CDH13: variants seen among roughly 807,000 people sequenced by gnomAD.
CDH13 encodes cadherin 13, also known as cadherin-13.
In CDH13, 24 loss-of-function variants were observed where a neutral mutation model predicts 63.8. That is an observed-to-expected ratio of 0.38 (90% CI 0.27 to 0.53). The LOEUF (loss-of-function observed/expected upper bound fraction) is 0.53. Ranked by LOEUF, CDH13 falls within the 20% of genes least tolerant of loss-of-function variation. The pLI is 0.85. For synonymous variants in CDH13, 503 were observed against 355.3 expected (o/e 1.42, Z -4.67); for missense variants, 1,049 against 903.1 (o/e 1.16, Z -2.07).
chr16:83,303,470 C>G (rs1325660455), intron 5 of CDH13, among the ~76,000 whole-genome samples: 1 of 152,108 alleles, frequency 6.6e-6, no homozygotes, highest in East Asian at 1.9e-4. Flanking sequence ...AAATAATGTT[C>G]TCTTTGGGAA....
At chr16:83,666,286 C>T (rs967963983) in intron 8 of CDH13, among the ~76,000 whole-genome samples, 2 of 152,074 alleles carry the variant, frequency 1.3e-5, no homozygotes, top group Non-Finnish European at 2.9e-5. Context: ...GGGGTTAAAA[C>T]ATTGAATAGA....
chr16:83,133,700 T>C (rs2036154941), intron 4 of CDH13, among the ~76,000 whole-genome samples: 1 of 152,182 alleles, frequency 6.6e-6, no homozygotes, highest in Non-Finnish European at 1.5e-5. Flanking sequence ...GGGTTCACCA[T>C]ATTGGTCAGG....
intron 2 of CDH13, among the ~76,000 whole-genome samples, chr16:82,893,891 A>G (rs183221367): frequency 6.6e-6 from 1 of 152,130 alleles, no homozygotes; most frequent in Non-Finnish European, 1.5e-5. Context: ...TCCAAGTGAC[A>G]TCATTCCCCC....
chr16:83,664,526 T>C (rs1273178188), intron 8 of CDH13, among the ~76,000 whole-genome samples: 2 of 148,292 alleles, frequency 1.3e-5, no homozygotes, highest in Non-Finnish European at 3.0e-5. Context: ...TTTTTATTTT[T>C]ATATTATATT....
At chr16:82,700,955 G>GCCCCCCC (rs572286316) in intron 1 of CDH13, among the ~76,000 whole-genome samples, 8 of 10,428 alleles carry the variant, frequency 7.7e-4, no homozygotes, top group African/African-American at 9.7e-4. Flanking sequence ...GCTGGAACCC[G>GCCCCCCC]CCCCCCCCCC....
At chr16:83,130,738 C>T (rs2036007635) in intron 4 of CDH13, among the ~76,000 whole-genome samples, 1 of 152,098 alleles carries the variant, frequency 6.6e-6, no homozygotes, top group Admixed American at 6.5e-5. Context: ...CACAAAAACG[C>T]CTTTTAAATC....
chr16:83,386,109 A>G (rs142198998), intron 6 of CDH13, among the ~76,000 whole-genome samples: 1 of 152,352 alleles, frequency 6.6e-6, no homozygotes, highest in East Asian at 1.9e-4. Context: ...TGTGTGGATT[A>G]AGTAGTTAGA....
chr16:83,223,838 A>T (rs539073229), intron 5 of CDH13, among the ~76,000 whole-genome samples: 2 of 152,070 alleles, frequency 1.3e-5, no homozygotes, highest in African/African-American at 4.8e-5. Flanking sequence ...CATGAGTGCA[A>T]TTTTTTTAAT....
intron 5 of CDH13, among the ~76,000 whole-genome samples, chr16:83,231,507 C>A (rs12917991): frequency 0.037 from 5,671 of 152,210 alleles, 110 homozygotes; most frequent in African/African-American, 0.051. Context: ...TTGATGTGTT[C>A]CAGCAGGAGC....
At chr16:83,377,510 G>T (rs994623801) in intron 6 of CDH13, among the ~76,000 whole-genome samples, 1 of 152,130 alleles carries the variant, frequency 6.6e-6, no homozygotes, top group African/African-American at 2.4e-5. Context: ...CAGTCACAGG[G>T]TCTGTCAGTT....
chr16:82,796,589 A>G (rs2036591829), intron 1 of CDH13, among the ~76,000 whole-genome samples: 1 of 152,150 alleles, frequency 6.6e-6, no homozygotes, highest in Non-Finnish European at 1.5e-5. Flanking sequence ...TGACCTTCAG[A>G]TCCATTCATG....
At chr16:83,567,697 G>A (rs1157672476) in intron 7 of CDH13, among the ~76,000 whole-genome samples, 4 of 152,160 alleles carry the variant, frequency 2.6e-5, no homozygotes, top group African/African-American at 9.7e-5. Flanking sequence ...CTGGGTTCAC[G>A]CTATTCTCCT....
At chr16:83,511,213 A>C (rs959346453) in intron 7 of CDH13, among the ~76,000 whole-genome samples, 2 of 152,212 alleles carry the variant, frequency 1.3e-5, no homozygotes, top group Non-Finnish European at 2.9e-5. Flanking sequence ...TGTGATCCCA[A>C]CACTTTGGGA....
intron 8 of CDH13, 96 bp from the exon 9 acceptor site, chr16:83,670,694 A>G: frequency 9.9e-7 from 1 of 1,012,850 alleles, no homozygotes; most frequent in East Asian, 2.5e-5. Flanking sequence ...TTTATTTTTA[A>G]GTGAGATGAT....
intron 6 of CDH13, among the ~76,000 whole-genome samples, chr16:83,440,527 C>T (rs1300531467): frequency 1.3e-5 from 2 of 152,092 alleles, no homozygotes; most frequent in African/African-American, 2.4e-5. Context: ...TGCCTGTAGT[C>T]CCAGAGCTTC....
intron 1 of CDH13, among the ~76,000 whole-genome samples, chr16:82,651,616 T>C (rs1910729648): frequency 1.3e-5 from 2 of 152,034 alleles, no homozygotes; most frequent in African/African-American, 4.8e-5. Context: ...ATTAGGGAGG[T>C]GGTGTTTTTC....
rs554067420 is a variant in CDH13 at position 83,723,022 on chromosome 16, A to G, written c.1539-25086A>G. On this transcript the variant is annotated intron_variant, in intron 10 of 13. Coordinates refer to ENST00000567109, the MANE Select transcript of CDH13 (RefSeq NM_001257.5). ...TTCACAGTAACTAGAGCTGGGTGAC[A>G]TGCTTAATAAAGGGAGTACATGGTG... 2.6e-5 allele frequency among the ~76,000 whole-genome samples: 4 copies of G among 152,324 alleles called. No individual in the cohort carries two copies. The East Asian group carries it at 7.7e-4, about 29-fold the overall frequency.
chr16:83,576,222 TC>T (rs1905078112), intron 7 of CDH13, among the ~76,000 whole-genome samples: 1 of 152,240 alleles, frequency 6.6e-6, no homozygotes, highest in Non-Finnish European at 1.5e-5. Context: ...TATGGATTTA[TC>T]CATTCTGGAC....
intron 5 of CDH13, among the ~76,000 whole-genome samples, chr16:83,272,665 C>T (rs1347913636): frequency 6.6e-6 from 1 of 152,138 alleles, no homozygotes; most frequent in East Asian, 1.9e-4. Flanking sequence ...GTTAATAGGT[C>T]TGTGTGGCCC....
Sources: gnomAD v4.1 joint callset for allele counts (sites outside exome capture counted in the v4.1 genomes callset) on GRCh38, gnomAD v4.1.1 for gene constraint, MANE v1.5 for transcripts, NCBI Gene and HGNC (gene_info 2026-07-23, HGNC 2026-07-21) for gene names.